EPHA6: variants seen among roughly 807,000 people sequenced by gnomAD.
EPHA6 encodes the protein EPH receptor A6, also known as ephrin type-A receptor 6.
EPHA6 carries 50 observed loss-of-function variants against 112.0 expected under a neutral mutation model. That is an observed-to-expected ratio of 0.45 (90% CI 0.36 to 0.56). The LOEUF (loss-of-function observed/expected upper bound fraction) is 0.56, where lower values mean the gene tolerates loss of function less well. EPHA6 is among the 20% of genes least tolerant of loss of function. The probability of loss-of-function intolerance (pLI) is 0.00; values close to 1 mark genes in which losing one functional copy is unlikely to be tolerated. For synonymous variants in EPHA6, 529 were observed against 490.7 expected (o/e 1.08, Z -1.03); for missense variants, 1,280 against 1,417.4 (o/e 0.90, Z 1.56).
chr3:97,554,431 T>C (rs2093073393), intron 11 of EPHA6, among the ~76,000 whole-genome samples: 1 of 152,252 alleles, frequency 6.6e-6, no homozygotes, highest in Admixed American at 6.6e-5. Flanking sequence ...TTTTTTTAAT[T>C]TAACAGCTAT....
chr3:97,612,459 T>C, intron 13 of EPHA6: 1 of 378,888 alleles, frequency 2.6e-6, no homozygotes, highest in Non-Finnish European at 5.3e-6. Context: ...ATCAAATGAC[T>C]ACCACAAGCA....
chr3:97,710,485 A>C (rs1576331518), intron 14 of EPHA6, among the ~76,000 whole-genome samples: 1 of 152,250 alleles, frequency 6.6e-6, no homozygotes, highest in Admixed American at 6.5e-5. Flanking sequence ...GCCTGTGGGC[A>C]TAACAATGGC....
intron 2 of EPHA6, among the ~76,000 whole-genome samples, chr3:96,921,222 A>G (rs1576038394): frequency 1.3e-5 from 2 of 152,268 alleles, no homozygotes; most frequent in East Asian, 3.9e-4. Flanking sequence ...TCTGAAAGTC[A>G]CTAAATGAAA....
chr3:96,948,153 A>G (rs73848515), intron 2 of EPHA6, among the ~76,000 whole-genome samples: 2,364 of 152,284 alleles, frequency 0.016, 60 homozygotes, highest in African/African-American at 0.048. Context: ...TGTTTTTTTA[A>G]TTGCACTTTG....
chr3:97,467,545 C>A (rs1039632194), intron 7 of EPHA6, among the ~76,000 whole-genome samples: 8 of 151,734 alleles, frequency 5.3e-5, no homozygotes. Context: ...ATCATTGGTT[C>A]CAGGTCAGTG....
At chr3:97,351,196 G>A (rs2083796932) in intron 5 of EPHA6, among the ~76,000 whole-genome samples, 1 of 152,166 alleles carries the variant, frequency 6.6e-6, no homozygotes, top group African/African-American at 2.4e-5. Context: ...TGATACAGTG[G>A]AAATGGGCTG....
At chr3:97,326,635 T>C (rs760323332) in intron 5 of EPHA6, among the ~76,000 whole-genome samples, 3 of 152,066 alleles carry the variant, frequency 2.0e-5, no homozygotes, top group Non-Finnish European at 2.9e-5. Flanking sequence ...ATATGTGCTT[T>C]TTACAGAAGT....
chr3:97,335,340 G>T (rs1203882997), intron 5 of EPHA6, among the ~76,000 whole-genome samples: 2 of 152,174 alleles, frequency 1.3e-5, no homozygotes, highest in Non-Finnish European at 2.9e-5. Flanking sequence ...ATAAACCTGA[G>T]ATTGGACTTC....
rs191246332 is a variant in EPHA6 at position 97,442,755 on chromosome 3, G to C, written c.1732-5813G>C. On this transcript the variant is annotated intron_variant, in intron 6 of 17. Coordinates refer to ENST00000389672, the MANE Select transcript of EPHA6 (RefSeq NM_001080448.3). ...ATGAAAAATATTAAGGACTCTTTCA[G>C]CCAGAATATGATGACTATGTGTACC... Among the ~76,000 whole-genome samples, 298 of 152,214 alleles carry C rather than the reference G, an allele frequency of 2.0e-3. 1 individual carries two copies. The highest frequency in any genetic ancestry group is 6.6e-3 in the African/African-American group (273 of 41,544).
intron 11 of EPHA6, among the ~76,000 whole-genome samples, chr3:97,545,011 C>A (rs1167196717): frequency 6.6e-6 from 1 of 152,150 alleles, no homozygotes; most frequent in African/African-American, 2.4e-5. Context: ...TTTCAAAAAA[C>A]CAGCTCCTGG....
At chr3:96,983,752 C>A (rs188201236) in intron 2 of EPHA6, among the ~76,000 whole-genome samples, 162 of 152,258 alleles carry the variant, frequency 1.1e-3, no homozygotes, top group Admixed American at 2.9e-3. Flanking sequence ...TTGTTCATTT[C>A]TTTTTATTCT....
chr3:97,200,723 G>C (rs1301362524), intron 3 of EPHA6, among the ~76,000 whole-genome samples: 1 of 152,098 alleles, frequency 6.6e-6, no homozygotes. Flanking sequence ...AGACCATGTA[G>C]ATGGCTGTGT....
At chr3:97,551,235 A>G (rs985713947) in intron 11 of EPHA6, among the ~76,000 whole-genome samples, 2 of 152,260 alleles carry the variant, frequency 1.3e-5, no homozygotes, top group Admixed American at 6.5e-5. Context: ...TGTATCTTGT[A>G]TTTTATGGCA....
At chr3:96,870,752 C>T (rs112452094) in intron 2 of EPHA6, among the ~76,000 whole-genome samples, 1,584 of 152,126 alleles carry the variant, frequency 0.01, 25 homozygotes, top group African/African-American at 0.036. Flanking sequence ...TAGAAAGATA[C>T]TTTATTCCAT....
chr3:97,506,656 G>T (rs1194315523), intron 10 of EPHA6, among the ~76,000 whole-genome samples: 1 of 152,116 alleles, frequency 6.6e-6, no homozygotes, highest in African/African-American at 2.4e-5. Flanking sequence ...GATTGTCTTG[G>T]CTCTACAGGC....
At chr3:97,043,993 T>C (rs1019572539) in intron 3 of EPHA6, among the ~76,000 whole-genome samples, 1 of 152,166 alleles carries the variant, frequency 6.6e-6, no homozygotes, top group Non-Finnish European at 1.5e-5. Flanking sequence ...TCATAGACTA[T>C]TTTCCTACAT....
intron 3 of EPHA6, among the ~76,000 whole-genome samples, chr3:97,182,151 A>T (rs549598660): frequency 6.6e-6 from 1 of 151,966 alleles, no homozygotes; most frequent in African/African-American, 2.4e-5. Flanking sequence ...TATGCACTAC[A>T]TTTATTTTTC....
chr3:96,925,089 C>T (rs2039965787), intron 2 of EPHA6, among the ~76,000 whole-genome samples: 1 of 152,032 alleles, frequency 6.6e-6, no homozygotes, highest in Non-Finnish European at 1.5e-5. Context: ...GGATATTGGC[C>T]TGAAGTTTTC....
At chr3:96,900,240 A>C (rs757243357) in intron 2 of EPHA6, among the ~76,000 whole-genome samples, 1 of 152,218 alleles carries the variant, frequency 6.6e-6, no homozygotes, top group Non-Finnish European at 1.5e-5. Flanking sequence ...TCTCTTAGTC[A>C]TGGTTAATGT....
Sources: gnomAD v4.1 joint callset for allele counts (sites outside exome capture counted in the v4.1 genomes callset) on GRCh38, gnomAD v4.1.1 for gene constraint, MANE v1.5 for transcripts, NCBI Gene and HGNC (gene_info 2026-07-23, HGNC 2026-07-21) for gene names.